N4BP2L1: variants seen among roughly 807,000 people sequenced by gnomAD.
The protein encoded by N4BP2L1 is NEDD4 binding protein 2 like 1, also known as NEDD4-binding protein 2-like 1.
In N4BP2L1, 12 loss-of-function variants were observed where a neutral mutation model predicts 21.2. That is an observed-to-expected ratio of 0.57 (90% CI 0.36 to 0.92). N4BP2L1 has a LOEUF of 0.92. N4BP2L1 is among the 40% of genes least tolerant of loss of function. The probability of loss-of-function intolerance (pLI) is 0.01; values close to 1 mark genes in which losing one functional copy is unlikely to be tolerated. For synonymous variants in N4BP2L1, 104 were observed against 112.8 expected, an observed-to-expected ratio of 0.92 and a Z score of 0.49; for missense variants, 259 against 310.6, an observed-to-expected ratio of 0.83 and a Z score of 1.25.
chr13:32,405,382 C>T (rs1209640123), intron 3 of N4BP2L1, among the ~76,000 whole-genome samples: 3 of 152,050 alleles, frequency 2.0e-5, no homozygotes, highest in South Asian at 2.1e-4. Context: ...TGGTGGTACA[C>T]GCCTGTAATC....
chr13:32,405,220 T>G (rs1345446688), intron 3 of N4BP2L1, among the ~76,000 whole-genome samples: 10 of 151,950 alleles, frequency 6.6e-5, no homozygotes, highest in Admixed American at 6.6e-4. Context: ...AGATAAAAAG[T>G]AAAATGAGGC....
chr13:32,428,665 A>T (rs552553573), upstream of N4BP2L1, among the ~76,000 whole-genome samples: 1 of 152,302 alleles, frequency 6.6e-6, no homozygotes, highest in Admixed American at 6.5e-5. Context: ...CAAAAATATT[A>T]TTAGAAAGCT....
At chr13:32,416,353 T>C (rs2074138468) in intron 1 of N4BP2L1, 1 of 152,232 alleles carries the variant, frequency 6.6e-6, no homozygotes, top group East Asian at 1.9e-4. Flanking sequence ...GATTAAAACC[T>C]AGGCTTCTGG....
At chr13:32,405,124 G>A (rs2073391276) in intron 3 of N4BP2L1, among the ~76,000 whole-genome samples, 1 of 152,082 alleles carries the variant, frequency 6.6e-6, no homozygotes, top group Non-Finnish European at 1.5e-5. Context: ...CAACTGGGAA[G>A]GATTTAAATA....
chr13:32,421,792 C>A (rs1363547886), intron 1 of N4BP2L1, among the ~76,000 whole-genome samples: 1 of 152,032 alleles, frequency 6.6e-6, no homozygotes, highest in Admixed American at 6.5e-5. Context: ...ACTAATTTTT[C>A]TTTATTATAA....
At position 32,407,231 on chromosome 13, in the gene N4BP2L1, G is replaced by C; in HGVS notation, c.396+19C>G. Reference sequence around the variant, plus strand: ...CAAAATGTCCATAACTGAAAATTCAGAATGATACTTCTTCCTACCATGACT... The same window carrying C: ...CAAAATGTCCATAACTGAAAATTCACAATGATACTTCTTCCTACCATGACT... On this transcript the variant is annotated intron_variant, in intron 3 of 4. Transcript: ENST00000380130. The C allele has an allele frequency of 6.2e-7, 1 of 1,610,518 alleles. No homozygotes were observed. Among genetic ancestry groups the C allele is most frequent in the Non-Finnish European group, 8.5e-7 (1 of 1,176,938 alleles).
intron 1 of N4BP2L1, among the ~76,000 whole-genome samples, chr13:32,427,237 G>A (rs1467304595): frequency 6.6e-6 from 1 of 152,168 alleles, no homozygotes; most frequent in East Asian, 1.9e-4. Context: ...CCAGCCCCCC[G>A]CCCCCGTGCA....
chr13:32,408,120 C>T (rs2073636786), intron 1 of N4BP2L1, among the ~76,000 whole-genome samples: 1 of 152,188 alleles, frequency 6.6e-6, no homozygotes, highest in South Asian at 2.1e-4. Context: ...GCACCAATCC[C>T]GGTGCCCATT....
At chr13:32,417,267 A>T (rs1211648970) in intron 1 of N4BP2L1, among the ~76,000 whole-genome samples, 1 of 152,196 alleles carries the variant, frequency 6.6e-6, no homozygotes, top group Admixed American at 6.5e-5. Context: ...TGTAGTTCCC[A>T]TAATCCCCAT....
In N4BP2L1 at chr13:32,402,559, T is replaced by C; in HGVS notation, c.*383A>G. ...CTCTCCACCTTCCCAACTTTACCGA[T>C]GGAGATGAATTTCCTGAAAAAATAA... On this transcript the variant is annotated 3_prime_UTR_variant, in exon 5 of 5. Coordinates refer to ENST00000380130, the MANE Select transcript of N4BP2L1 (RefSeq NM_052818.3). 1 of 990,602 alleles carries C rather than the reference T, an allele frequency of 1.0e-6. No homozygotes were observed. The highest frequency in any genetic ancestry group is 1.2e-6 in the Non-Finnish European group (1 of 833,704). 61.4% of individuals were successfully genotyped at this position (990,602 alleles called of 1,614,324 possible). A position where few individuals can be genotyped will look rare whatever the true frequency, so the allele number is the denominator to read the frequency against.
intron 1 of N4BP2L1, among the ~76,000 whole-genome samples, chr13:32,417,326 T>C (rs2074204791): frequency 2.0e-5 from 3 of 152,180 alleles, no homozygotes; most frequent in Admixed American, 2.0e-4. Flanking sequence ...TGGCAATGGT[T>C]ACCCTCATGC....
chr13:32,409,603 A>G lies in N4BP2L1; in HGVS notation c.180-1831T>C, dbSNP rs116108164. ...TTCAAGGAATTCATGGCCCAGCCAA[A>G]GGAGTCAGACCTGGCACAGCCAGCG... On this transcript the variant is annotated intron_variant, in intron 1 of 4. Transcript: ENST00000380130. Among the ~76,000 whole-genome samples the G allele has an allele frequency of 5.6e-3, 851 of 152,364 alleles. 7 individuals are homozygous for G. The highest frequency in any genetic ancestry group is 0.02 in the African/African-American group (814 of 41,588).
At chr13:32,409,511 T>G (rs1324322161) in intron 1 of N4BP2L1, among the ~76,000 whole-genome samples, 1 of 152,184 alleles carries the variant, frequency 6.6e-6, no homozygotes, top group Non-Finnish European at 1.5e-5. Flanking sequence ...CATTAAACAT[T>G]TATTGAGCAC....
At chr13:32,416,130 C>T (rs948546786) in intron 1 of N4BP2L1, 1 of 152,162 alleles carries the variant, frequency 6.6e-6, no homozygotes, top group East Asian at 1.9e-4. Context: ...TAGACTTAGT[C>T]CATTTTCTTT....
chr13:32,407,920 G>A (rs967769936), intron 1 of N4BP2L1, 148 bp from the exon 2 acceptor site: 3 of 879,584 alleles, frequency 3.4e-6, no homozygotes, highest in African/African-American at 1.7e-5. Flanking sequence ...TCAAAAGAGA[G>A]ATGTTTATTA....
rs1160052052 is a variant in N4BP2L1 at position 32,401,889 on chromosome 13, ATC to A, written c.*1051_*1052del. The A allele has an allele frequency of 8.1e-6, 8 of 982,054 alleles. No homozygotes were observed. The highest frequency in any genetic ancestry group is 8.5e-6 in the Non-Finnish European group (7 of 826,442). The allele number at this position is 982,054 out of a possible 1,614,324, so 60.8% of individuals were successfully genotyped here. On this transcript the variant is annotated 3_prime_UTR_variant, in exon 5 of 5. Transcript: ENST00000380130. ...CTTGTCTATCATGATCTCACATTAA[ATC>A]TGATTCCAACCTGTTGGAAATTAAT...
At chr13:32,408,937 C>T (rs982850312) in intron 1 of N4BP2L1, among the ~76,000 whole-genome samples, 5 of 152,168 alleles carry the variant, frequency 3.3e-5, no homozygotes, top group Non-Finnish European at 7.3e-5. Context: ...CTTTTGTTTT[C>T]TCAACTGTAA....
At chr13:32,424,549 A>G (rs980217335) in intron 1 of N4BP2L1, among the ~76,000 whole-genome samples, 3 of 152,210 alleles carry the variant, frequency 2.0e-5, no homozygotes, top group African/African-American at 7.2e-5. Flanking sequence ...CAAGTGCTAA[A>G]GGTCTTATAA....
Position 32,402,595 on chromosome 13 carries a change from T to A in N4BP2L1, c.*347A>T, listed in dbSNP as rs567465572. The A allele has an allele frequency of 9.9e-7, 1 of 1,008,294 alleles. No homozygotes were observed. The highest frequency in any genetic ancestry group is 4.5e-5 in the South Asian group (1 of 21,984). The allele number at this position is 1,008,294 out of a possible 1,614,324, so 62.5% of individuals were successfully genotyped here. ...TTCCTGAAAAAATAAATAGATCACT[T>A]CAGAGCAAATGGTACTGAAGCTTAT... On this transcript the variant is annotated 3_prime_UTR_variant, in exon 5 of 5. Coordinates refer to ENST00000380130, the MANE Select transcript of N4BP2L1 (RefSeq NM_052818.3).
Sources: gnomAD v4.1 joint callset for allele counts (sites outside exome capture counted in the v4.1 genomes callset) on GRCh38, gnomAD v4.1.1 for gene constraint, MANE v1.5 for transcripts, NCBI Gene and HGNC (gene_info 2026-07-23, HGNC 2026-07-21) for gene names.